NAA20: variants seen among roughly 807,000 people sequenced by gnomAD.
The protein encoded by NAA20 is N-alpha-acetyltransferase 20.
A neutral mutation model predicts 23.8 loss-of-function variants in NAA20; 24 were observed. That is an observed-to-expected ratio of 1.01 (90% CI 0.73 to 1.42). NAA20 has a LOEUF of 1.42. Among genes scored for constraint, NAA20 ranks in the 40% most tolerant of loss-of-function variants. The probability of loss-of-function intolerance (pLI) is 0.00; values close to 1 mark genes in which losing one functional copy is unlikely to be tolerated. For synonymous variants in NAA20, 83 were observed against 77.7 expected, an observed-to-expected ratio of 1.07 and a Z score of -0.36; for missense variants, 166 against 223.1, an observed-to-expected ratio of 0.74 and a Z score of 1.63.
intron 1 of NAA20, chr20:20,017,903 C>T (rs1431123642): frequency 6.2e-7 from 1 of 1,602,698 alleles, no homozygotes; most frequent in African/African-American, 1.3e-5. Flanking sequence ...GCAGAGGGGG[C>T]TTGCGAGGAT....
chr20:20,025,854 A>G (rs756053782), intron 3 of NAA20, 87 bp downstream of exon 3: 16 of 890,540 alleles, frequency 1.8e-5, no homozygotes, highest in Non-Finnish European at 2.6e-5. Context: ...CAGAATTGGA[A>G]TATAATGATG....
upstream of NAA20, chr20:20,017,349 G>A (rs1297424592): frequency 6.2e-7 from 1 of 1,607,518 alleles, no homozygotes; most frequent in Non-Finnish European, 8.5e-7. Context: ...TTCCGGCAGG[G>A]CGGGCGCGGG....
At chr20:20,032,393 C>T (rs1281227201) in intron 4 of NAA20, 115 bp from the exon 5 acceptor site, 2 of 918,088 alleles carry the variant, frequency 2.2e-6, no homozygotes, top group Non-Finnish European at 3.1e-6. Context: ...CTATTACTAC[C>T]ATTCTGAGTA....
intron 1 of NAA20, 135 bp from the exon 2 acceptor site, chr20:20,022,321 T>C: frequency 1.3e-6 from 1 of 774,684 alleles, no homozygotes. Context: ...GCCTCAGCCC[T>C]AAAGTTGGCC....
At chr20:20,019,428 A>C (rs1020801202) in intron 1 of NAA20, among the ~76,000 whole-genome samples, 1 of 152,200 alleles carries the variant, frequency 6.6e-6, no homozygotes, top group Non-Finnish European at 1.5e-5. Flanking sequence ...AGCCTCATGG[A>C]GAATCAGTTT....
At chr20:20,029,416 A>G (rs2043327340) in intron 4 of NAA20, among the ~76,000 whole-genome samples, 1 of 152,150 alleles carries the variant, frequency 6.6e-6, no homozygotes, top group South Asian at 2.1e-4. Context: ...CAGGAGTTCC[A>G]GACCAGTCTG....
chr20:20,028,733 T>G (rs574959464), intron 4 of NAA20, among the ~76,000 whole-genome samples: 142 of 152,212 alleles, frequency 9.3e-4, no homozygotes, highest in African/African-American at 3.4e-3. Flanking sequence ...GTATACATAG[T>G]GCATACAATG....
intron 1 of NAA20, 35 bp from the exon 2 acceptor site, chr20:20,022,421 C>A: frequency 6.3e-7 from 1 of 1,577,100 alleles, no homozygotes. Flanking sequence ...ATTGTAAACG[C>A]TGCTTACTAG....
intron 2 of NAA20, 97 bp downstream of exon 2, chr20:20,022,577 A>C: frequency 9.1e-7 from 1 of 1,100,786 alleles, no homozygotes. Context: ...TGAAAAGTTT[A>C]AAAACTTGTA....
chr20:20,032,712 A>T, intron 5 of NAA20, 59 bp downstream of exon 5: 2 of 1,495,900 alleles, frequency 1.3e-6, no homozygotes, highest in Non-Finnish European at 1.8e-6. Flanking sequence ...TTCTTTCTAC[A>T]GATTGTAGTA....
At chr20:20,027,630 A>AATATCTGAC (rs1264813074) in intron 4 of NAA20, among the ~76,000 whole-genome samples, 4 of 152,224 alleles carry the variant, frequency 2.6e-5, no homozygotes, top group African/African-American at 9.6e-5. Context: ...CTAGTTTGCC[A>AATATCTGAC]ATATCTGACA....
Position 20,017,634 on chromosome 20 carries a change from C to T in NAA20, c.53+185C>T, listed in dbSNP as rs1053590919. On this transcript the variant is annotated intron_variant, in intron 1 of 5. Transcript: ENST00000334982. The stretch of plus-strand genomic sequence containing the variant: ...CCACAGGGTCCAGGGAGAGGTGGGC[C>T]TGGAGTCGACGCACGCCGGCCTTGG... The T allele has an allele frequency of 1.5e-5, 20 of 1,316,398 alleles. No homozygotes were observed. In the African/African-American group the frequency reaches 2.3e-4, roughly 15 times the overall value. 81.5% of individuals were successfully genotyped at this position (1,316,398 alleles called of 1,614,324 possible).
chr20:20,030,913 G>A (rs953409679), intron 4 of NAA20, among the ~76,000 whole-genome samples: 6 of 152,194 alleles, frequency 3.9e-5, no homozygotes, highest in African/African-American at 1.4e-4. Context: ...AAAACATTAA[G>A]TACTTAAGAA....
chr20:20,020,970 T>C (rs1363412900), intron 1 of NAA20, among the ~76,000 whole-genome samples: 1 of 143,548 alleles, frequency 7.0e-6, no homozygotes, highest in Non-Finnish European at 1.5e-5. Flanking sequence ...TCGCCCGCAC[T>C]CCGTGCCTAT....
At position 20,017,375 on chromosome 20, in the gene NAA20, C is replaced by T. The variant is rs772883872; in HGVS notation, c.-22C>T. The T allele has an allele frequency of 4.3e-6, 7 of 1,611,304 alleles. No homozygotes were observed. In the Admixed American group the frequency reaches 1.0e-4, roughly 23 times the overall value. On this transcript the variant is annotated 5_prime_UTR_variant, in exon 1 of 6. Coordinates refer to ENST00000334982, the MANE Select transcript of NAA20 (RefSeq NM_016100.5). ...CGGGCGCGGGGTCTTGGCGAACGGT[C>T]TTCGGAAGCGGCGGCGGCGCGATGA...
intron 4 of NAA20, among the ~76,000 whole-genome samples, chr20:20,027,513 AT>A (rs1244598874): frequency 3.3e-5 from 5 of 151,292 alleles, no homozygotes; most frequent in Non-Finnish European, 4.4e-5. Flanking sequence ...TTCATCTAGT[AT>A]TTTTTTTTAA....
chr20:20,020,358 G>A (rs2043258931), intron 1 of NAA20, among the ~76,000 whole-genome samples: 1 of 152,200 alleles, frequency 6.6e-6, no homozygotes, highest in Non-Finnish European at 1.5e-5. Flanking sequence ...CTTGAAGAAA[G>A]ACCTGGGGAA....
chr20:20,023,996 C>T (rs1228059044), intron 2 of NAA20, among the ~76,000 whole-genome samples: 1 of 152,226 alleles, frequency 6.6e-6, no homozygotes, highest in East Asian at 1.9e-4. Flanking sequence ...ATCTGGCCCA[C>T]TGCCTGTTTT....
At chr20:20,024,046 T>A (rs1490742578) in intron 2 of NAA20, among the ~76,000 whole-genome samples, 2 of 152,256 alleles carry the variant, frequency 1.3e-5, no homozygotes, top group Non-Finnish European at 2.9e-5. Context: ...CTGATTAATT[T>A]ATATTTTTTT....
Sources: gnomAD v4.1 joint callset for allele counts (sites outside exome capture counted in the v4.1 genomes callset) on GRCh38, gnomAD v4.1.1 for gene constraint, MANE v1.5 for transcripts, NCBI Gene and HGNC (gene_info 2026-07-23, HGNC 2026-07-21) for gene names.